The following FHIT variants were observed in gnomAD, a reference collection of about 807,000 sequenced individuals.
FHIT encodes the protein bis(5'-adenosyl)-triphosphatase.
A neutral mutation model predicts 17.9 loss-of-function variants in FHIT; 19 were observed. The ratio of observed to expected loss-of-function variants is 1.06; its 90% CI spans 0.74 to 1.56. The LOEUF (loss-of-function observed/expected upper bound fraction) is 1.56, where lower values mean the gene tolerates loss of function less well. Ranked by LOEUF, FHIT falls within the 40% of genes most tolerant of loss-of-function variation. The pLI is 0.00. For missense variants in FHIT, 248 were observed against 189.2 expected (o/e 1.31, Z -1.82); for synonymous variants, 81 against 69.7 (o/e 1.16, Z -0.81).
chr3:61,035,153 C>T lies in FHIT; in HGVS notation c.-111+6894G>A, dbSNP rs943746239. On this transcript the variant is annotated intron_variant, in intron 3 of 9. Coordinates refer to ENST00000492590, the MANE Select transcript of FHIT (RefSeq NM_002012.4). ...AAGGGTTTGGGGAAATGAGGAGAAG[C>T]TGCATTGAAATGAGGAGTTTTATTT... is the stretch of plus-strand genomic sequence containing the variant. 2.0e-5 allele frequency among the ~76,000 whole-genome samples: 3 copies of T among 152,000 alleles called. No individual in the cohort carries two copies. The South Asian group carries it at 6.2e-4, about 31-fold the overall frequency.
chr3:60,031,035 C>T (rs970382265), intron 5 of FHIT, among the ~76,000 whole-genome samples: 1 of 152,154 alleles, frequency 6.6e-6, no homozygotes, highest in Non-Finnish European at 1.5e-5. Flanking sequence ...CTGGTCCAGT[C>T]CACTATTTGC....
chr3:61,131,471 C>T (rs565560725), intron 2 of FHIT, among the ~76,000 whole-genome samples: 2 of 152,304 alleles, frequency 1.3e-5, no homozygotes, highest in East Asian at 1.9e-4. Context: ...CTGTCTGGGC[C>T]GAAAGTCTCC....
chr3:60,700,241 C>A (rs1048299290), intron 4 of FHIT, among the ~76,000 whole-genome samples: 3 of 151,298 alleles, frequency 2.0e-5, no homozygotes, highest in African/African-American at 7.3e-5. Context: ...CTAAAAAAAA[C>A]AAAACAAAAA....
intron 7 of FHIT, among the ~76,000 whole-genome samples, chr3:59,981,659 A>G (rs1345003196): frequency 1.3e-5 from 2 of 152,170 alleles, no homozygotes; most frequent in African/African-American, 4.8e-5. Flanking sequence ...ATTAACGCAG[A>G]GAGATGCCCT....
At chr3:61,111,360 T>A (rs752106302) in intron 2 of FHIT, among the ~76,000 whole-genome samples, 8 of 152,176 alleles carry the variant, frequency 5.3e-5, no homozygotes, top group Non-Finnish European at 1.2e-4. Flanking sequence ...ATCTCATTTT[T>A]TTTCATCTAT....
intron 5 of FHIT, among the ~76,000 whole-genome samples, chr3:60,425,564 A>G (rs1261890378): frequency 6.6e-6 from 1 of 152,170 alleles, no homozygotes; most frequent in East Asian, 1.9e-4. Flanking sequence ...AGATTTTAAC[A>G]CAACCCAAAG....
chr3:60,955,609 T>TAC (rs1553778503), intron 3 of FHIT, among the ~76,000 whole-genome samples: 4 of 9,162 alleles, frequency 4.4e-4, no homozygotes, highest in South Asian at 0.019. Context: ...TATATATATA[T>TAC]ATATATATAT....
chr3:60,045,801 T>G (rs1701629873), intron 5 of FHIT, among the ~76,000 whole-genome samples: 1 of 152,068 alleles, frequency 6.6e-6, no homozygotes, highest in Admixed American at 6.5e-5. Context: ...TCCAAGTCTC[T>G]GGATCAACTG....
intron 4 of FHIT, among the ~76,000 whole-genome samples, chr3:60,738,800 G>A (rs1270493592): frequency 2.0e-5 from 3 of 152,214 alleles, no homozygotes; most frequent in Non-Finnish European, 4.4e-5. Context: ...GGGTAGAAGA[G>A]GGAGGTTCCC....
intron 8 of FHIT, among the ~76,000 whole-genome samples, chr3:59,833,377 T>C (rs1357742677): frequency 6.6e-6 from 1 of 152,146 alleles, no homozygotes. Context: ...ACATAATGTC[T>C]TGTGACCATG....
At chr3:60,995,096 G>A (rs1397332404) in intron 3 of FHIT, among the ~76,000 whole-genome samples, 4 of 152,090 alleles carry the variant, frequency 2.6e-5, no homozygotes, top group African/African-American at 7.2e-5. Flanking sequence ...CGAGGCGGGC[G>A]GATCACGAGG....
intron 4 of FHIT, among the ~76,000 whole-genome samples, chr3:60,799,405 C>G (rs1701106208): frequency 6.6e-6 from 1 of 152,174 alleles, no homozygotes; most frequent in Non-Finnish European, 1.5e-5. Flanking sequence ...AACTCTCGCC[C>G]TCAGGTAATC....
At chr3:60,171,174 T>G (rs2107403160) in intron 5 of FHIT, among the ~76,000 whole-genome samples, 1 of 152,352 alleles carries the variant, frequency 6.6e-6, no homozygotes, top group Non-Finnish European at 1.5e-5. Flanking sequence ...AGGGCAATAT[T>G]TCTGAGGGAT....
intron 5 of FHIT, among the ~76,000 whole-genome samples, chr3:60,034,376 A>T (rs926523289): frequency 2.0e-5 from 3 of 152,198 alleles, no homozygotes; most frequent in African/African-American, 7.2e-5. Context: ...TTTCCCTTTC[A>T]AGTAGGAGAC....
chr3:60,453,346 T>C (rs1194537633), intron 5 of FHIT, among the ~76,000 whole-genome samples: 1 of 152,160 alleles, frequency 6.6e-6, no homozygotes, highest in East Asian at 1.9e-4. Flanking sequence ...AAATTCATTC[T>C]CTTCACTTTT....
chr3:61,095,303 A>C (rs1255224847), intron 2 of FHIT, among the ~76,000 whole-genome samples: 1 of 152,164 alleles, frequency 6.6e-6, no homozygotes, highest in Non-Finnish European at 1.5e-5. Flanking sequence ...CCTCATTCAA[A>C]CTTTCTCCTC....
chr3:60,619,775 T>A (rs2039066379), intron 4 of FHIT, among the ~76,000 whole-genome samples: 1 of 152,098 alleles, frequency 6.6e-6, no homozygotes, highest in Non-Finnish European at 1.5e-5. Context: ...ACTTTTTATA[T>A]ATAATACCAA....
intron 5 of FHIT, among the ~76,000 whole-genome samples, chr3:60,407,075 T>TTC (rs1420108155): frequency 6.8e-6 from 1 of 146,148 alleles, no homozygotes; most frequent in Non-Finnish European, 1.5e-5. Flanking sequence ...TAATTTTTTT[T>TTC]TTTTTTTTTT....
intron 4 of FHIT, among the ~76,000 whole-genome samples, chr3:60,558,794 ACC>A (rs1392105574): frequency 6.6e-6 from 1 of 152,142 alleles, no homozygotes; most frequent in Non-Finnish European, 1.5e-5. Flanking sequence ...AGATACCATT[ACC>A]AATCAATCAG....
Sources: allele counts gnomAD v4.1 joint callset (sites outside exome capture counted in the v4.1 genomes callset), GRCh38; gene constraint gnomAD v4.1.1; transcripts MANE v1.5; gene names NCBI Gene and HGNC (gene_info 2026-07-23, HGNC 2026-07-21).